The following JAKMIP3 variants were observed in gnomAD, a reference collection of about 807,000 sequenced individuals.
The protein encoded by JAKMIP3 is janus kinase and microtubule-interacting protein 3.
JAKMIP3 carries 58 observed loss-of-function variants against 118.5 expected under a neutral mutation model. The ratio of observed to expected loss-of-function variants is 0.49; its 90% confidence interval spans 0.40 to 0.61. The LOEUF is 0.61. Ranked by LOEUF, JAKMIP3 falls within the 20% of genes least tolerant of loss-of-function variation. JAKMIP3 has a pLI of 0.00. For synonymous variants in JAKMIP3, 486 were observed against 451.2 expected (o/e 1.08, Z -0.98); for missense variants, 950 against 1,109.0 (o/e 0.86, Z 2.04).
At position 132,179,745 on chromosome 10, in the gene JAKMIP3, G is replaced by GCCACGGCAGGGTCACA. The variant is rs1226662794; in HGVS notation, c.*1104-2607_*1104-2592dup. On this transcript the variant is annotated intron_variant, in intron 23 of 23. Transcript: ENST00000684848. This position sits in a 1 kb window ranked among gnomAD's most constrained non-coding sequence, Gnocchi z 4.3. Reference sequence around the variant, plus strand: ...CAGGGTCGCACCACAGCAGGGTCACGCCACGGCAGGGTCACACCACAACAG... The same window carrying GCCACGGCAGGGTCACA: ...CAGGGTCGCACCACAGCAGGGTCACGCCACGGCAGGGTCACACCACGGCAGGGTCACACCACAACAG... 6.7e-6 allele frequency among the ~76,000 whole-genome samples: 1 copy of GCCACGGCAGGGTCACA among 149,900 alleles called. No homozygotes were observed. Among genetic ancestry groups the GCCACGGCAGGGTCACA allele is most frequent in the Non-Finnish European group, 1.5e-5 (1 of 67,942 alleles).
chr10:132,044,018 T>TG lies in JAKMIP3; in HGVS notation c.-138+7281dup, dbSNP rs2037836000. Among the ~76,000 whole-genome samples, 1 of 148,114 alleles carries TG rather than the reference T, an allele frequency of 6.8e-6. No homozygotes were observed. The highest frequency in any genetic ancestry group is 2.7e-5 in the African/African-American group (1 of 37,650). On this transcript the variant is annotated intron_variant, in intron 1 of 23. Transcript: ENST00000657785. The surrounding 1 kb of genome is among the most constrained non-coding windows in gnomAD (Gnocchi z 5.3). ...AAATCCATCCAAAGAGGGCAGGAAG[T>TG]GCACAGACCTCGGGGTTCAGTAGGC...
chr10:132,087,027 T>G (rs896810945), intron 1 of JAKMIP3, among the ~76,000 whole-genome samples: 2 of 152,218 alleles, frequency 1.3e-5, no homozygotes, highest in African/African-American at 4.8e-5. Context: ...GATTTAGAGC[T>G]CCCTTTAGCA....
intron 19 of JAKMIP3, among the ~76,000 whole-genome samples, chr10:132,161,522 G>A (rs2058316624): frequency 2.8e-5 from 2 of 71,642 alleles, no homozygotes; most frequent in African/African-American, 5.2e-5. Flanking sequence ...GATGCTGGGG[G>A]GCCTCTCCCT....
rs1208666347 is a variant in JAKMIP3 at position 132,180,640 on chromosome 10, T to C, written c.*1104-1717T>C. Among the ~76,000 whole-genome samples, 192 of 33,824 alleles carry C rather than the reference T, an allele frequency of 5.7e-3. 21 individuals carry two copies. The highest frequency in any genetic ancestry group is 8.1e-3 in the South Asian group (7 of 864). 22.2% of individuals were successfully genotyped at this position (33,824 alleles called of 152,430 possible). On this transcript the variant is annotated intron_variant, in intron 23 of 23. Transcript: ENST00000684848. ...GCGTGTGTGTGCGTGTGTGCGTGCGTGTGTGCGTGTGCGTGTGCGTGTGTG... is the reference window on the plus strand; with the variant it reads ...GCGTGTGTGTGCGTGTGTGCGTGCGCGTGTGCGTGTGCGTGTGCGTGTGTG...
chr10:132,151,490 C>G (rs1057008514), intron 16 of JAKMIP3, among the ~76,000 whole-genome samples: 2 of 152,200 alleles, frequency 1.3e-5, no homozygotes, highest in Admixed American at 1.3e-4. Context: ...GCTGGGGGCT[C>G]CACTGTGGTC....
intron 8 of JAKMIP3, 130 bp from the exon 9 acceptor site, chr10:132,137,989 T>C: frequency 1.4e-6 from 1 of 712,550 alleles, no homozygotes; most frequent in Non-Finnish European, 2.2e-6. Context: ...CCCGCTGTGG[T>C]GTGGGGACAA....
At chr10:132,143,862 G>C (rs2054069677) in intron 11 of JAKMIP3, 2 of 152,268 alleles carry the variant, frequency 1.3e-5, no homozygotes, top group Non-Finnish European at 2.9e-5. Context: ...CGGAAACAGG[G>C]TTAGGACTAA....
chr10:132,142,229 G>A (rs1009395216), intron 11 of JAKMIP3, among the ~76,000 whole-genome samples, 181 bp downstream of exon 11: 6 of 152,128 alleles, frequency 3.9e-5, no homozygotes, highest in African/African-American at 1.2e-4. Flanking sequence ...TGGGGATCCC[G>A]GTGCTGGGAG....
chr10:132,140,348 G>T, intron 9 of JAKMIP3, 103 bp from the exon 10 acceptor site: 4 of 1,516,894 alleles, frequency 2.6e-6, no homozygotes, highest in Non-Finnish European at 2.7e-6. Context: ...GTGTCGCAGG[G>T]TGGGGCTGCG....
chr10:132,072,945 A>T (rs2040203655), intron 1 of JAKMIP3, among the ~76,000 whole-genome samples: 1 of 150,972 alleles, frequency 6.6e-6, no homozygotes, highest in African/African-American at 2.4e-5. Flanking sequence ...TATCTGTTCC[A>T]CTCTGTCTGT....
At chr10:132,075,808 TTA>T (rs984743167) in intron 1 of JAKMIP3, among the ~76,000 whole-genome samples, 6 of 152,174 alleles carry the variant, frequency 3.9e-5, no homozygotes, top group African/African-American at 1.4e-4. Flanking sequence ...AAAAGTCTTT[TTA>T]TATACCCCCA....
At chr10:132,153,711 G>T (rs2136223785) in intron 17 of JAKMIP3, 48 bp from the exon 18 acceptor site, 2 of 1,587,058 alleles carry the variant, frequency 1.3e-6, no homozygotes, top group Non-Finnish European at 1.7e-6. Flanking sequence ...ACGAGCCGGG[G>T]TGGGGGACCC....
intron 11 of JAKMIP3, chr10:132,143,924 G>A (rs898295672): frequency 1.8e-4 from 28 of 152,278 alleles, no homozygotes; most frequent in African/African-American, 5.5e-4. Context: ...TCACATCCAC[G>A]ATTGTGACCC....
intron 1 of JAKMIP3, among the ~76,000 whole-genome samples, chr10:132,082,551 C>T (rs187407865): frequency 6.6e-6 from 1 of 152,132 alleles, no homozygotes; most frequent in East Asian, 1.9e-4. Flanking sequence ...CTGCGAATGC[C>T]ATTAATTCAT....
At chr10:132,136,443 C>T (rs1014246483) in intron 6 of JAKMIP3, among the ~76,000 whole-genome samples, 1 of 152,068 alleles carries the variant, frequency 6.6e-6, no homozygotes, top group Admixed American at 6.5e-5. Context: ...AGGCCTGGCA[C>T]ACAGCGCCAA....
intron 2 of JAKMIP3, among the ~76,000 whole-genome samples, chr10:132,114,242 G>T (rs2047290938): frequency 6.6e-6 from 1 of 152,220 alleles, no homozygotes; most frequent in East Asian, 1.9e-4. Context: ...CTGAGACAGG[G>T]TCTCATTCTG....
At chr10:132,180,853 T>C (rs929155265) in intron 23 of JAKMIP3, among the ~76,000 whole-genome samples, 2 of 143,210 alleles carry the variant, frequency 1.4e-5, no homozygotes, top group African/African-American at 5.3e-5. Context: ...ATGTGTGTGC[T>C]GTGTGTGAGT....
chr10:132,109,162 T>TA (rs1158853156), intron 2 of JAKMIP3, among the ~76,000 whole-genome samples: 5 of 148,376 alleles, frequency 3.4e-5, no homozygotes, highest in African/African-American at 1.2e-4. Context: ...ACACATATAT[T>TA]AAAAAAAACT....
Position 132,184,119 on chromosome 10 carries a change from C to T in JAKMIP3, c.*2866C>T, listed in dbSNP as rs2061676401. ...ACTCTGTGTTCAACACACAGAACAA[C>T]ATAGATACTTTAGTTTGTCTAAAGT... is the stretch of plus-strand genomic sequence containing the variant. On this transcript the variant is annotated 3_prime_UTR_variant, in exon 24 of 24. Transcript: ENST00000684848. 1 of 152,340 alleles carries T rather than the reference C, an allele frequency of 6.6e-6. No individual in the cohort carries two copies. Among genetic ancestry groups the T allele is most frequent in the East Asian group, 1.9e-4 (1 of 5,196 alleles). The allele number at this position is 152,340 out of a possible 1,614,324, so 9.4% of individuals were successfully genotyped here.
Sources: gnomAD v4.1 joint callset for allele counts (sites outside exome capture counted in the v4.1 genomes callset) on GRCh38, gnomAD v4.1.1 for gene constraint, Gnocchi (gnomAD v3.1) non-coding constraint, MANE v1.5 for transcripts, NCBI Gene and HGNC (gene_info 2026-07-23, HGNC 2026-07-21) for gene names.